Variants in MEGF11 observed in about 807,000 individuals in gnomAD.
MEGF11 encodes multiple EGF like domains 11.
A neutral mutation model predicts 146.6 loss-of-function variants in MEGF11; 126 were observed. The observed-to-expected ratio is 0.86, with a 90% CI of 0.74 to 1.00. The LOEUF is 1.00. Among genes scored for constraint, MEGF11 ranks in the 50% least tolerant of loss-of-function variants. MEGF11 has a pLI of 0.00. For synonymous variants in MEGF11, 532 were observed against 583.4 expected (o/e 0.91, Z 1.27); for missense variants, 1,509 against 1,521.2 (o/e 0.99, Z 0.13).
intron 7 of MEGF11, 121 bp downstream of exon 7, chr15:65,980,657 C>T: frequency 7.3e-7 from 1 of 1,361,040 alleles, no homozygotes; most frequent in South Asian, 1.8e-5. Flanking sequence ...CCTCGGCCTC[C>T]CAAAGTGCTG....
chr15:65,969,383 A>G (rs2081225986), intron 8 of MEGF11, among the ~76,000 whole-genome samples: 2 of 152,182 alleles, frequency 1.3e-5, no homozygotes, highest in African/African-American at 4.8e-5. Context: ...GGATGGGAAC[A>G]TGCACTCAAT....
intron 1 of MEGF11, among the ~76,000 whole-genome samples, chr15:66,191,051 C>A (rs1364290141): frequency 1.3e-5 from 2 of 152,078 alleles, no homozygotes; most frequent in African/African-American, 2.4e-5. Flanking sequence ...GGCTGGACTT[C>A]CAGGGATGGA....
chr15:66,177,002 G>C (rs1271282263), intron 1 of MEGF11, among the ~76,000 whole-genome samples: 1 of 152,142 alleles, frequency 6.6e-6, no homozygotes, highest in Non-Finnish European at 1.5e-5. Flanking sequence ...TCTAACCCCT[G>C]GTAACTCCCA....
intron 2 of MEGF11, 144 bp from the exon 3 acceptor site, chr15:66,124,144 C>T: frequency 1.5e-6 from 1 of 666,504 alleles, no homozygotes; most frequent in Admixed American, 2.3e-5. Flanking sequence ...TCCCAACTAT[C>T]CTCCCCCTGC....
At chr15:65,915,335 C>T (rs2078957227) in intron 19 of MEGF11, 135 bp downstream of exon 19, 8 of 1,209,644 alleles carry the variant, frequency 6.6e-6, no homozygotes, top group Non-Finnish European at 8.0e-6. Context: ...CTCTGCAGCC[C>T]ACCCTATTCC....
intron 1 of MEGF11, among the ~76,000 whole-genome samples, chr15:66,245,117 A>T (rs1913414): frequency 0.04 from 6,110 of 152,228 alleles, 407 homozygotes; most frequent in African/African-American, 0.14. Context: ...CAGGACTAAC[A>T]CTGGTCTTAA....
rs1171282307 is a variant in MEGF11 at position 65,953,034 on chromosome 15, C to G, written c.1287+4513G>C. Among the ~76,000 whole-genome samples, 3 of 152,282 alleles carry G rather than the reference C, an allele frequency of 2.0e-5. No individual in the cohort carries two copies. The East Asian group carries it at 5.8e-4, about 29-fold the overall frequency. On this transcript the variant is annotated intron_variant, in intron 10 of 25. Transcript: ENST00000395614. Reference sequence around the variant, plus strand: ...CCCACAGGTGCTTGGGTGGACCTGCCTAGAACAGCAGTTGTGCACGTTCAT... The same window carrying G: ...CCCACAGGTGCTTGGGTGGACCTGCGTAGAACAGCAGTTGTGCACGTTCAT...
At chr15:66,130,357 T>C (rs1031702887) in intron 1 of MEGF11, among the ~76,000 whole-genome samples, 1 of 152,160 alleles carries the variant, frequency 6.6e-6, no homozygotes, top group Non-Finnish European at 1.5e-5. Flanking sequence ...TGCCTTGCCT[T>C]GTCTTGATTC....
intron 1 of MEGF11, among the ~76,000 whole-genome samples, chr15:66,181,012 A>G (rs530829935): frequency 1.3e-5 from 2 of 152,358 alleles, no homozygotes; most frequent in East Asian, 3.9e-4. Context: ...TTAACAGAAT[A>G]TATTCATTAA....
intron 5 of MEGF11, chr15:66,040,218 G>C (rs2083909234): frequency 6.5e-6 from 1 of 154,914 alleles, no homozygotes; most frequent in African/African-American, 2.4e-5. Context: ...ACACCAAAGT[G>C]AGTGGTTTAA....
At chr15:66,122,274 C>A (rs1015388624) in intron 3 of MEGF11, among the ~76,000 whole-genome samples, 2 of 142,134 alleles carry the variant, frequency 1.4e-5, no homozygotes, top group African/African-American at 5.2e-5. Flanking sequence ...AAAAAAAAAA[C>A]TACCTATGCA....
At chr15:66,048,377 G>A (rs1002911626) in intron 5 of MEGF11, among the ~76,000 whole-genome samples, 8 of 152,234 alleles carry the variant, frequency 5.3e-5, no homozygotes, top group Non-Finnish European at 8.8e-5. Flanking sequence ...GGGTGACCCC[G>A]CAGGCACCCT....
intron 10 of MEGF11, 47 bp downstream of exon 10, chr15:65,957,500 G>C (rs992381453): frequency 6.4e-7 from 1 of 1,572,290 alleles, no homozygotes; most frequent in Non-Finnish European, 8.7e-7. Context: ...GAGGGGAACT[G>C]GCCCGGTGGA....
chr15:66,022,768 G>T (rs333578), intron 5 of MEGF11, among the ~76,000 whole-genome samples: 91,224 of 150,174 alleles, frequency 0.61, 29,045 homozygotes, highest in Non-Finnish European at 0.7. Flanking sequence ...GTTGGGGGTG[G>T]AGGGTGGGGG....
At chr15:66,102,120 C>T (rs1342545989) in intron 4 of MEGF11, among the ~76,000 whole-genome samples, 1 of 151,174 alleles carries the variant, frequency 6.6e-6, no homozygotes, top group South Asian at 2.1e-4. Context: ...TCCAGCATTG[C>T]AGTCAATTCC....
intron 5 of MEGF11, among the ~76,000 whole-genome samples, chr15:66,066,421 A>G (rs1320118537): frequency 1.3e-5 from 2 of 152,216 alleles, no homozygotes; most frequent in African/African-American, 4.8e-5. Flanking sequence ...GGGGGAATCT[A>G]TAGGAATTTA....
intron 1 of MEGF11, among the ~76,000 whole-genome samples, chr15:66,246,913 G>A (rs910968973): frequency 6.6e-6 from 1 of 152,176 alleles, no homozygotes. Flanking sequence ...ATCCAGGGCT[G>A]GCGAGGGAGT....
At chr15:66,026,952 A>G (rs2083349545) in intron 5 of MEGF11, among the ~76,000 whole-genome samples, 1 of 152,184 alleles carries the variant, frequency 6.6e-6, no homozygotes, top group African/African-American at 2.4e-5. Flanking sequence ...GTAAATTGAA[A>G]ATATCCCTTT....
At chr15:66,013,169 G>A (rs2082763366) in intron 5 of MEGF11, among the ~76,000 whole-genome samples, 1 of 152,218 alleles carries the variant, frequency 6.6e-6, no homozygotes, top group Non-Finnish European at 1.5e-5. Context: ...CATGGAAGCT[G>A]AGCTGGAGGA....
Sources: allele counts gnomAD v4.1 joint callset (sites outside exome capture counted in the v4.1 genomes callset), GRCh38; gene constraint gnomAD v4.1.1; transcripts MANE v1.5; gene names NCBI Gene and HGNC (gene_info 2026-07-23, HGNC 2026-07-21).